CNIH3: variants seen among roughly 807,000 people sequenced by gnomAD.
The protein encoded by CNIH3 is cornichon family AMPA receptor auxiliary protein 3, also known as protein cornichon homolog 3.
A neutral mutation model predicts 24.1 loss-of-function variants in CNIH3; 14 were observed. That is an observed-to-expected ratio of 0.58 (90% confidence interval 0.38 to 0.91). The LOEUF (loss-of-function observed/expected upper bound fraction) is 0.91, where lower values mean the gene tolerates loss of function less well. Ranked by LOEUF, CNIH3 falls within the 40% of genes least tolerant of loss-of-function variation. The pLI is 0.00. For missense variants in CNIH3, 178 were observed against 196.8 expected (o/e 0.90, Z 0.57); for synonymous variants, 68 against 73.8 (o/e 0.92, Z 0.40).
intron 3 of CNIH3, among the ~76,000 whole-genome samples, chr1:224,609,768 T>G (rs1393622473): frequency 6.6e-6 from 1 of 152,158 alleles, no homozygotes; most frequent in Non-Finnish European, 1.5e-5. Flanking sequence ...TTCCCATGAA[T>G]CCAAAGGCAT....
At chr1:224,725,067 G>A (rs1459712105) in intron 3 of CNIH3, among the ~76,000 whole-genome samples, 9 of 151,756 alleles carry the variant, frequency 5.9e-5, no homozygotes, top group South Asian at 4.2e-4. Context: ...AAAATTAGCC[G>A]GGCATGGTGG....
chr1:224,479,945 G>T (rs927314001), intron 1 of CNIH3, among the ~76,000 whole-genome samples: 1 of 152,156 alleles, frequency 6.6e-6, no homozygotes, highest in African/African-American at 2.4e-5. Flanking sequence ...TTCACTAGGT[G>T]CTGCCCCAGT....
At chr1:224,613,075 T>C (rs1222115122), upstream of CNIH3, among the ~76,000 whole-genome samples, 1 of 152,228 alleles carries the variant, frequency 6.6e-6, no homozygotes, top group Non-Finnish European at 1.5e-5. Flanking sequence ...CACAGCTCAC[T>C]GTGCCTTGAC....
rs569367263 is a variant in CNIH3 at position 224,573,502 on chromosome 1, T to C, written n.516+7238T>C. Among the ~76,000 whole-genome samples, 17 of 152,352 alleles carry C rather than the reference T, an allele frequency of 1.1e-4. No homozygotes were observed. In the South Asian group the frequency reaches 3.3e-3, roughly 30 times the overall value. On this transcript the variant is annotated intron_variant and non_coding_transcript_variant, in intron 4 of 5. Coordinates refer to the CNIH3 transcript ENST00000471578. ...GAGATCTTCATAAGGCTGGAAGTTA[T>C]TGACACTTAGCTTATCAATAGGAGG...
intron 1 of CNIH3, among the ~76,000 whole-genome samples, chr1:224,633,912 C>G (rs1683952338): frequency 6.6e-6 from 1 of 152,254 alleles, no homozygotes; most frequent in Non-Finnish European, 1.5e-5. Flanking sequence ...AAGATTTTCT[C>G]TAAAGTCAAG....
At chr1:224,532,849 A>G (rs1003892326) in intron 2 of CNIH3, among the ~76,000 whole-genome samples, 6 of 152,178 alleles carry the variant, frequency 3.9e-5, no homozygotes, top group Admixed American at 1.3e-4. Context: ...GTTCAACTTA[A>G]TATTATCTAA....
At chr1:224,701,426 A>G (rs1656190694) in intron 3 of CNIH3, among the ~76,000 whole-genome samples, 1 of 152,076 alleles carries the variant, frequency 6.6e-6, no homozygotes. Context: ...TTCTTGCTGC[A>G]GCCTTACATG....
At chr1:224,669,377 G>T (rs1394101752) in intron 1 of CNIH3, among the ~76,000 whole-genome samples, 1 of 152,202 alleles carries the variant, frequency 6.6e-6, no homozygotes, top group African/African-American at 2.4e-5. Context: ...TCTTCCAGGG[G>T]CAGCTGATGC....
downstream of CNIH3, among the ~76,000 whole-genome samples, chr1:224,540,016 C>G (rs1185379225): frequency 1.3e-5 from 2 of 152,190 alleles, no homozygotes; most frequent in Non-Finnish European, 2.9e-5. Flanking sequence ...CAATAAATAT[C>G]AATGAATGAA....
intron 1 of CNIH3, among the ~76,000 whole-genome samples, chr1:224,646,903 A>G (rs570999165): frequency 6.6e-6 from 1 of 152,322 alleles, no homozygotes; most frequent in African/African-American, 2.4e-5. Context: ...TAGAGCCCAT[A>G]TAGCATGTGG....
At chr1:224,464,638 TA>T (rs1403406020) in intron 1 of CNIH3, among the ~76,000 whole-genome samples, 1 of 152,230 alleles carries the variant, frequency 6.6e-6, no homozygotes, top group Non-Finnish European at 1.5e-5. Context: ...TCCATTTATG[TA>T]TGGATCTATT....
intron 3 of CNIH3, among the ~76,000 whole-genome samples, chr1:224,550,458 A>T (rs1679869889): frequency 6.6e-6 from 1 of 152,198 alleles, no homozygotes; most frequent in Non-Finnish European, 1.5e-5. Context: ...TATTTCATTA[A>T]TATCACAGTG....
At chr1:224,461,985 C>CT (rs199755302) in intron 1 of CNIH3, among the ~76,000 whole-genome samples, 80 of 151,986 alleles carry the variant, frequency 5.3e-4, no homozygotes, top group African/African-American at 1.9e-3. Flanking sequence ...TACTTCTTTC[C>CT]TTTTTTTTAA....
At chr1:224,601,718 C>A (rs1441903783) in intron 3 of CNIH3, among the ~76,000 whole-genome samples, 1 of 152,152 alleles carries the variant, frequency 6.6e-6, no homozygotes, top group Non-Finnish European at 1.5e-5. Context: ...TGAGAAAATA[C>A]ATTTCTGTTG....
chr1:224,546,619 TG>T (rs1679714455), intron 2 of CNIH3, among the ~76,000 whole-genome samples: 2 of 152,258 alleles, frequency 1.3e-5, no homozygotes, highest in South Asian at 4.1e-4. Flanking sequence ...GTGTGTCACT[TG>T]GTTTAGCAAA....
chr1:224,472,491 C>G lies in CNIH3; in HGVS notation n.203+37629C>G, dbSNP rs937619478. On this transcript the variant is annotated intron_variant and non_coding_transcript_variant, in intron 1 of 5. Coordinates refer to the CNIH3 transcript ENST00000471578. ...GAGAAATAATGACATTCGCAGCAAC[C>G]TGGATGGAATTGGAAATTATTATTC... Among the ~76,000 whole-genome samples, 3 of 152,138 alleles carry G rather than the reference C, an allele frequency of 2.0e-5. No homozygotes were observed. In the South Asian group the frequency reaches 6.2e-4, roughly 32 times the overall value.
At chr1:224,602,630 A>G (rs555607868) in intron 3 of CNIH3, among the ~76,000 whole-genome samples, 15 of 152,376 alleles carry the variant, frequency 9.8e-5, no homozygotes, top group African/African-American at 3.1e-4. Context: ...AGAAAACCAA[A>G]TAGAAGTGTA....
chr1:224,671,051 G>C (rs145898429), intron 1 of CNIH3, among the ~76,000 whole-genome samples: 41 of 152,338 alleles, frequency 2.7e-4, no homozygotes, highest in African/African-American at 8.4e-4. Context: ...GTCAGCAGAC[G>C]GCCTTTGGAC....
intron 1 of CNIH3, among the ~76,000 whole-genome samples, chr1:224,475,135 G>T (rs868280492): frequency 4.7e-5 from 7 of 150,088 alleles, no homozygotes; most frequent in South Asian, 4.2e-4. Context: ...GAGGCGGGCG[G>T]ATCACGGTCA....
Sources: allele counts gnomAD v4.1 joint callset (sites outside exome capture counted in the v4.1 genomes callset), GRCh38; gene constraint gnomAD v4.1.1; transcripts MANE v1.5; gene names NCBI Gene and HGNC (gene_info 2026-07-23, HGNC 2026-07-21).